The following NALF1 variants were observed in gnomAD, a reference collection of about 807,000 sequenced individuals.
NALF1 encodes family with sequence similarity 155 member A.
NALF1 carries 3 observed loss-of-function variants against 48.4 expected under a neutral mutation model. That is an observed-to-expected ratio of 0.06 (90% CI 0.03 to 0.16). The LOEUF (loss-of-function observed/expected upper bound fraction) is 0.16. Among genes scored for constraint, NALF1 ranks in the 10% least tolerant of loss-of-function variants. NALF1 has a pLI of 1.00. For missense variants in NALF1, 526 were observed against 571.5 expected (o/e 0.92, Z 0.81); for synonymous variants, 262 against 245.7 (o/e 1.07, Z -0.62).
intron 1 of NALF1, among the ~76,000 whole-genome samples, chr13:107,754,075 AAG>A (rs1877015496): frequency 6.6e-6 from 1 of 152,202 alleles, no homozygotes; most frequent in African/African-American, 2.4e-5. Context: ...TGGGGAATAA[AAG>A]AGAAAAACAA....
At chr13:107,374,212 T>C (rs1382804993) in intron 1 of NALF1, among the ~76,000 whole-genome samples, 1 of 151,962 alleles carries the variant, frequency 6.6e-6, no homozygotes, top group Non-Finnish European at 1.5e-5. Flanking sequence ...CCAGTCACCA[T>C]CCCACAAACA....
At chr13:107,440,860 A>G (rs2139025905) in intron 1 of NALF1, among the ~76,000 whole-genome samples, 1 of 152,188 alleles carries the variant, frequency 6.6e-6, no homozygotes, top group Admixed American at 6.5e-5. Flanking sequence ...GCCTTAATCT[A>G]AGTTTATGGC....
At chr13:107,699,460 A>G (rs965126904) in intron 1 of NALF1, among the ~76,000 whole-genome samples, 3 of 152,148 alleles carry the variant, frequency 2.0e-5, no homozygotes, top group African/African-American at 7.2e-5. Flanking sequence ...CCTTTCTAAA[A>G]CAGGCCACTG....
intron 1 of NALF1, among the ~76,000 whole-genome samples, chr13:107,660,839 G>A (rs975836762): frequency 1.3e-5 from 2 of 152,038 alleles, no homozygotes; most frequent in Non-Finnish European, 2.9e-5. Context: ...TCTGATGAGG[G>A]ATACTGACTC....
At chr13:107,632,626 C>A (rs929322357) in intron 1 of NALF1, among the ~76,000 whole-genome samples, 3 of 152,092 alleles carry the variant, frequency 2.0e-5, no homozygotes, top group African/African-American at 7.2e-5. Context: ...GTCACTTGCT[C>A]CTACTCCCTC....
chr13:107,190,619 A>T (rs1879260857), intron 2 of NALF1, among the ~76,000 whole-genome samples: 1 of 152,228 alleles, frequency 6.6e-6, no homozygotes, highest in African/African-American at 2.4e-5. Flanking sequence ...AAACACAATG[A>T]TATTTTAAAG....
intron 1 of NALF1, among the ~76,000 whole-genome samples, chr13:107,575,541 A>C (rs1878115038): frequency 6.6e-6 from 1 of 152,332 alleles, no homozygotes; most frequent in Non-Finnish European, 1.5e-5. Context: ...ACTGCCTAGG[A>C]AATGGAAAGC....
At chr13:107,503,368 A>G (rs1875582167) in intron 1 of NALF1, among the ~76,000 whole-genome samples, 1 of 152,174 alleles carries the variant, frequency 6.6e-6, no homozygotes, top group Admixed American at 6.5e-5. Context: ...ATCACTAATC[A>G]TCAGGGAAAT....
At chr13:107,410,348 T>A (rs892388561) in intron 1 of NALF1, among the ~76,000 whole-genome samples, 2 of 152,166 alleles carry the variant, frequency 1.3e-5, no homozygotes, top group African/African-American at 4.8e-5. Flanking sequence ...TTGTCTTCCC[T>A]GTTGGTGTGT....
At chr13:107,407,997 G>C (rs1594046348) in intron 1 of NALF1, among the ~76,000 whole-genome samples, 1 of 152,026 alleles carries the variant, frequency 6.6e-6, no homozygotes, top group South Asian at 2.1e-4. Flanking sequence ...AAATAAGCCA[G>C]ACACTAAAAG....
chr13:107,412,399 G>C (rs989452696), intron 1 of NALF1, among the ~76,000 whole-genome samples: 1 of 151,920 alleles, frequency 6.6e-6, no homozygotes, highest in Non-Finnish European at 1.5e-5. Context: ...ATCCTGTTTT[G>C]GTGTCCACTA....
chr13:107,399,455 T>TACACAC lies in NALF1; in HGVS notation c.916-188706_916-188701dup, dbSNP rs35237023. 2.8e-3 allele frequency among the ~76,000 whole-genome samples: 430 copies of TACACAC among 151,064 alleles called. 2 individuals are homozygous for TACACAC. Among genetic ancestry groups the TACACAC allele is most frequent in the African/African-American group, 7.9e-3 (324 of 41,190 alleles). ...AAAATAAAGCACACACACATTCACG[T>TACACAC]ACACACACACACAGCATAGAGGGAA... On this transcript the variant is annotated intron_variant, in intron 1 of 2. Coordinates refer to ENST00000375915, the MANE Select transcript of NALF1 (RefSeq NM_001080396.3).
At chr13:107,173,393 A>G (rs2138765292) in intron 2 of NALF1, among the ~76,000 whole-genome samples, 1 of 152,338 alleles carries the variant, frequency 6.6e-6, no homozygotes, top group South Asian at 2.1e-4. Context: ...CATGTAGTAA[A>G]GTCCAATTTT....
chr13:107,818,648 G>A (rs1044889442), intron 1 of NALF1, among the ~76,000 whole-genome samples: 14 of 112,498 alleles, frequency 1.2e-4, no homozygotes, highest in South Asian at 4.0e-4. Flanking sequence ...CGAGGCGGGC[G>A]GATCACGAGG....
At chr13:107,249,772 A>G (rs1430957688) in intron 1 of NALF1, among the ~76,000 whole-genome samples, 2 of 152,196 alleles carry the variant, frequency 1.3e-5, no homozygotes, top group Middle Eastern at 3.4e-3. Context: ...TTGTTGAAAC[A>G]TTTTTGTTCT....
At position 107,822,877 on chromosome 13, in the gene NALF1, A is replaced by G. The variant is rs1879398266; in HGVS notation, c.915+42805T>C. Among the ~76,000 whole-genome samples, 3 of 152,338 alleles carry G rather than the reference A, an allele frequency of 2.0e-5. No individual in the cohort carries two copies. The South Asian group carries it at 6.2e-4, about 32-fold the overall frequency. On this transcript the variant is annotated intron_variant, in intron 1 of 2. Transcript: ENST00000375915. Reference sequence around the variant, plus strand: ...TTGAAATGGTCAGTTAAGCTGCTATAGTTAAACCAAAAATTCATGGGGTGT... The same window carrying G: ...TTGAAATGGTCAGTTAAGCTGCTATGGTTAAACCAAAAATTCATGGGGTGT...
chr13:107,735,208 T>C (rs978963172), intron 1 of NALF1, among the ~76,000 whole-genome samples: 1 of 152,174 alleles, frequency 6.6e-6, no homozygotes, highest in Non-Finnish European at 1.5e-5. Context: ...AGGACTGTGA[T>C]AATAAATTTC....
intron 2 of NALF1, among the ~76,000 whole-genome samples, chr13:107,191,405 C>A (rs1879277340): frequency 6.6e-6 from 1 of 152,048 alleles, no homozygotes; most frequent in East Asian, 1.9e-4. Flanking sequence ...AGCAGTCATT[C>A]TTGTGATAGT....
At chr13:107,482,873 C>A (rs1327787739) in intron 1 of NALF1, among the ~76,000 whole-genome samples, 1 of 152,172 alleles carries the variant, frequency 6.6e-6, no homozygotes, top group Non-Finnish European at 1.5e-5. Context: ...AAATCACAAG[C>A]TACTTCTTCC....
Sources: gnomAD v4.1 joint callset for allele counts (sites outside exome capture counted in the v4.1 genomes callset) on GRCh38, gnomAD v4.1.1 for gene constraint, MANE v1.5 for transcripts, NCBI Gene and HGNC (gene_info 2026-07-23, HGNC 2026-07-21) for gene names.